Variants in NEBL observed in about 807,000 individuals in gnomAD.
NEBL encodes the protein nebulette, also known as LIM and SH3 protein 2.
Under a neutral mutation model 140.2 loss-of-function variants are expected in NEBL, and 122 were observed. The observed-to-expected ratio is 0.87, with a 90% CI of 0.75 to 1.01. NEBL has a LOEUF of 1.01. Among genes scored for constraint, NEBL ranks in the 50% least tolerant of loss-of-function variants. The probability of loss-of-function intolerance (pLI) is 0.00; values close to 1 mark genes in which losing one functional copy is unlikely to be tolerated. For synonymous variants in NEBL, 436 were observed against 398.9 expected (o/e 1.09, Z -1.11); for missense variants, 1,365 against 1,231.3 (o/e 1.11, Z -1.62).
In NEBL at chr10:20,835,559, G is replaced by A. The variant is rs745497796; in HGVS notation, c.1403C>T (p.Thr468Ile). 1.9e-6 allele frequency: 3 copies of A among 1,612,740 alleles called. No homozygotes were observed. Among genetic ancestry groups the A allele is most frequent in the South Asian group, 2.2e-5 (2 of 91,078 alleles). Residue 468 changes from threonine to isoleucine, a missense_variant, in exon 14 of 28, where the codon ACC becomes ATC. By Grantham distance (89) the Thr-to-Ile change is moderately conservative. Transcript: ENST00000377122. ...CTTCTTGGCATGCTGCATTTCAAGGGTGTCAGTGCCAGCTTGCATTCCTTT... is the reference window on the plus strand; with the variant it reads ...CTTCTTGGCATGCTGCATTTCAAGGATGTCAGTGCCAGCTTGCATTCCTTT... ...KGKGMQAGTDTLEMQHAKKAA... is the reference protein window; with the variant it reads ...KGKGMQAGTDILEMQHAKKAA...
intron 19 of NEBL, among the ~76,000 whole-genome samples, chr10:20,820,131 C>T (rs1430544230): frequency 6.6e-6 from 1 of 152,110 alleles, no homozygotes; most frequent in Non-Finnish European, 1.5e-5. Flanking sequence ...AATCCTGTAC[C>T]TGAACTTTAG....
At chr10:21,243,139 G>T (rs541287132) in intron 3 of NEBL, among the ~76,000 whole-genome samples, 22 of 152,198 alleles carry the variant, frequency 1.4e-4, no homozygotes, top group Non-Finnish European at 2.8e-4. Context: ...TGTTGCCACT[G>T]CTCCTGTTCC....
rs187597460 is a variant in NEBL, at chr10:20,999,586, G to A, written c.249+20531C>T. Among the ~76,000 whole-genome samples the A allele has an allele frequency of 2.6e-5, 4 of 152,282 alleles. No individual in the cohort carries two copies. The East Asian group carries it at 7.7e-4, about 29-fold the overall frequency. On this transcript the variant is annotated intron_variant, in intron 3 of 6. Coordinates refer to the NEBL transcript ENST00000417816. ...TGCACTCCAGCATGGGCAACAGAGTGAGACCCTGTCTCACCTCACAAAAGA... is the reference window on the plus strand; with the variant it reads ...TGCACTCCAGCATGGGCAACAGAGTAAGACCCTGTCTCACCTCACAAAAGA...
At chr10:20,891,772 T>C (rs1847059469) in intron 2 of NEBL, among the ~76,000 whole-genome samples, 1 of 152,150 alleles carries the variant, frequency 6.6e-6, no homozygotes, top group African/African-American at 2.4e-5. Context: ...TTTACAATTG[T>C]ACAATTCAAG....
chr10:21,126,943 C>G (rs1420650323), intron 2 of NEBL, among the ~76,000 whole-genome samples: 1 of 148,442 alleles, frequency 6.7e-6, no homozygotes, highest in Non-Finnish European at 1.5e-5. Flanking sequence ...CCACTACACT[C>G]CAGCCTGGGT....
At chr10:21,229,847 T>G (rs1842220960) in intron 3 of NEBL, among the ~76,000 whole-genome samples, 1 of 152,242 alleles carries the variant, frequency 6.6e-6, no homozygotes, top group Admixed American at 6.5e-5. Flanking sequence ...TGTAGTGAAC[T>G]GACCTGGTAA....
At chr10:20,826,196 C>T (rs962353485) in intron 18 of NEBL, among the ~76,000 whole-genome samples, 1 of 152,094 alleles carries the variant, frequency 6.6e-6, no homozygotes, top group Non-Finnish European at 1.5e-5. Context: ...AAATCTAACC[C>T]TAGGTTTCAT....
intron 2 of NEBL, among the ~76,000 whole-genome samples, chr10:21,137,952 G>A (rs1415824558): frequency 1.3e-5 from 2 of 151,462 alleles, no homozygotes; most frequent in African/African-American, 4.9e-5. Context: ...GGAAGGGAAG[G>A]GAAGGGAAGG....
chr10:21,082,535 TA>T (rs61234594), intron 2 of NEBL, among the ~76,000 whole-genome samples: 4,160 of 115,284 alleles, frequency 0.036, 47 homozygotes, highest in South Asian at 0.065. Flanking sequence ...CCACCACCAC[TA>T]AAAAAAAAAA....
At chr10:21,252,083 TCTC>T (rs1177118725) in intron 1 of NEBL, among the ~76,000 whole-genome samples, 2 of 152,130 alleles carry the variant, frequency 1.3e-5, no homozygotes, top group Non-Finnish European at 2.9e-5. Context: ...GGCATCAACT[TCTC>T]CTACTTCTCA....
chr10:21,044,397 T>TAA (rs57176129), intron 2 of NEBL, among the ~76,000 whole-genome samples: 3,199 of 34,810 alleles, frequency 0.092, 948 homozygotes, highest in East Asian at 0.2. Context: ...AGAGTAAGAA[T>TAA]AAAAAAAAAA....
chr10:21,036,200 C>A (rs2131818499), intron 2 of NEBL, among the ~76,000 whole-genome samples: 1 of 152,118 alleles, frequency 6.6e-6, no homozygotes, highest in Non-Finnish European at 1.5e-5. Flanking sequence ...GTGGCTCATG[C>A]CTAAAATCAC....
chr10:21,149,699 T>C (rs1270719087), intron 2 of NEBL, among the ~76,000 whole-genome samples: 1 of 152,214 alleles, frequency 6.6e-6, no homozygotes, highest in African/African-American at 2.4e-5. Flanking sequence ...GGAACCCTGA[T>C]TAATAGCCCG....
chr10:21,021,726 T>TA (rs1250526945), intron 2 of NEBL, among the ~76,000 whole-genome samples: 2 of 152,178 alleles, frequency 1.3e-5, no homozygotes, highest in Non-Finnish European at 2.9e-5. Context: ...GCTCATGGCT[T>TA]TTCCTATTGG....
intron 3 of NEBL, among the ~76,000 whole-genome samples, chr10:20,978,951 A>G (rs906910906): frequency 2.5e-4 from 38 of 152,220 alleles, no homozygotes; most frequent in African/African-American, 8.9e-4. Context: ...ATAAGACAGC[A>G]TACAGTCATA....
chr10:21,057,354 C>T lies in NEBL; in HGVS notation c.165-37153G>A, dbSNP rs182745765. Among the ~76,000 whole-genome samples the T allele has an allele frequency of 4.6e-5, 7 of 151,758 alleles. No homozygotes were observed. The East Asian group carries it at 1.4e-3, about 30-fold the overall frequency. Reference sequence around the variant, plus strand: ...CAGCATCTCAGGTAAAACAAAAAAGCAAGATGTGGAAAACAGGCATCAAAG... The same window carrying T: ...CAGCATCTCAGGTAAAACAAAAAAGTAAGATGTGGAAAACAGGCATCAAAG... On this transcript the variant is annotated intron_variant, in intron 2 of 6. Coordinates refer to the NEBL transcript ENST00000417816.
chr10:21,143,035 G>T (rs1839714838), intron 2 of NEBL, among the ~76,000 whole-genome samples: 1 of 152,060 alleles, frequency 6.6e-6, no homozygotes, highest in Admixed American at 6.6e-5. Context: ...TTAAAGTATA[G>T]AAATACCTAA....
chr10:20,887,990 T>C lies in NEBL; in HGVS notation c.369+107A>G, dbSNP rs151296753. The C allele has an allele frequency of 9.9e-5, 78 of 788,334 alleles. 1 individual carries two copies. In the East Asian group the frequency reaches 2.0e-3, roughly 21 times the overall value. 48.8% of individuals were successfully genotyped at this position (788,334 alleles called of 1,614,324 possible). ...TAATCAGTTGCTTTCAACTTTCATT[T>C]GGTATTTAACACCCATGATGAAAAC... On this transcript the variant is annotated intron_variant, in intron 4 of 27. Coordinates refer to ENST00000377122, the MANE Select transcript of NEBL (RefSeq NM_006393.3).
At position 20,829,649 on chromosome 10, in the gene NEBL, T is replaced by C. The variant is rs969229980; in HGVS notation, c.1672-1015A>G. Among the ~76,000 whole-genome samples the C allele has an allele frequency of 2.2e-4, 34 of 152,090 alleles. 1 individual carries two copies. The highest frequency in any genetic ancestry group is 1.2e-3 in the South Asian group (6 of 4,826). Reference sequence around the variant, plus strand: ...TCATGTTGAAATGCACCAGGCTTCATTACACCCTCGTAAGTATCCCAATTG... The same window carrying C: ...TCATGTTGAAATGCACCAGGCTTCACTACACCCTCGTAAGTATCCCAATTG... On this transcript the variant is annotated intron_variant, in intron 16 of 27. Transcript: ENST00000377122.
Sources: allele counts gnomAD v4.1 joint callset (sites outside exome capture counted in the v4.1 genomes callset), GRCh38; gene constraint gnomAD v4.1.1; transcripts MANE v1.5; gene names NCBI Gene and HGNC (gene_info 2026-07-23, HGNC 2026-07-21).